The following PHC3 variants were observed in gnomAD, a reference collection of about 807,000 sequenced individuals.
PHC3 encodes the protein polyhomeotic homolog 3, also known as polyhomeotic-like protein 3.
In PHC3, 13 loss-of-function variants were observed where a neutral mutation model predicts 107.4. The observed-to-expected ratio is 0.12, with a 90% CI of 0.08 to 0.19. The LOEUF (loss-of-function observed/expected upper bound fraction) is 0.19, where lower values mean the gene tolerates loss of function less well. Among genes scored for constraint, PHC3 ranks in the 10% least tolerant of loss-of-function variants. PHC3 has a pLI of 1.00. For missense variants in PHC3, 992 were observed against 1,210.9 expected (o/e 0.82, Z 2.68); for synonymous variants, 456 against 427.4 (o/e 1.07, Z -0.83).
intron 11 of PHC3, among the ~76,000 whole-genome samples, chr3:170,111,729 G>A (rs538813929): frequency 3.5e-5 from 5 of 144,780 alleles, no homozygotes; most frequent in African/African-American, 8.7e-5. Flanking sequence ...GAAGTAAAAC[G>A]GTGATTCACA....
chr3:170,108,780 C>A (rs1041810575), intron 11 of PHC3, among the ~76,000 whole-genome samples: 1 of 152,122 alleles, frequency 6.6e-6, no homozygotes, highest in Non-Finnish European at 1.5e-5. Context: ...AGTTCCAGCC[C>A]TGAAAGAGTC....
At chr3:170,179,202 T>C (rs1419177911) in intron 1 of PHC3, among the ~76,000 whole-genome samples, 1 of 152,230 alleles carries the variant, frequency 6.6e-6, no homozygotes, top group Non-Finnish European at 1.5e-5. Context: ...CAAAAGTTTA[T>C]CTTTGCATTA....
chr3:170,098,465 G>C (rs1387713031), intron 14 of PHC3, among the ~76,000 whole-genome samples: 1 of 152,136 alleles, frequency 6.6e-6, no homozygotes, highest in Admixed American at 6.5e-5. Flanking sequence ...AATTTTGCTA[G>C]TTCAATTATC....
chr3:170,144,543 A>G (rs1312368004), intron 6 of PHC3, among the ~76,000 whole-genome samples: 3 of 152,162 alleles, frequency 2.0e-5, no homozygotes, highest in Non-Finnish European at 4.4e-5. Flanking sequence ...TTTCACTTTA[A>G]GAGGAACTGT....
intron 7 of PHC3, among the ~76,000 whole-genome samples, chr3:170,130,634 A>C (rs560203895): frequency 6.6e-6 from 1 of 152,296 alleles, no homozygotes; most frequent in South Asian, 2.1e-4. Context: ...ACCAAAAAAA[A>C]ACTTCAATAA....
intron 4 of PHC3, among the ~76,000 whole-genome samples, chr3:170,165,921 A>G (rs1401621247): frequency 6.6e-6 from 1 of 151,120 alleles, no homozygotes; most frequent in African/African-American, 2.4e-5. Context: ...TGGACAACAC[A>G]GTGAGACCCA....
intron 4 of PHC3, among the ~76,000 whole-genome samples, chr3:170,167,557 C>T (rs1023243909): frequency 6.6e-6 from 1 of 152,052 alleles, no homozygotes; most frequent in Admixed American, 6.6e-5. Context: ...GTCAGGAGTT[C>T]GAGACCAGCC....
intron 4 of PHC3, among the ~76,000 whole-genome samples, chr3:170,166,428 C>G (rs1442470131): frequency 6.6e-6 from 1 of 152,172 alleles, no homozygotes; most frequent in Non-Finnish European, 1.5e-5. Context: ...GCTTCTTACA[C>G]TCAATACATA....
intron 7 of PHC3, chr3:170,136,208 T>C (rs922152091): frequency 1.9e-6 from 1 of 530,146 alleles, no homozygotes; most frequent in African/African-American, 2.0e-5. Flanking sequence ...TAATTTGATT[T>C]TAAAAAACCT....
chr3:170,148,366 G>A (rs904174235), intron 5 of PHC3: 4 of 152,102 alleles, frequency 2.6e-5, no homozygotes, highest in Non-Finnish European at 5.9e-5. Context: ...ATATATATTA[G>A]GGACAATGCT....
intron 6 of PHC3, among the ~76,000 whole-genome samples, chr3:170,136,879 G>C (rs984477432): frequency 4.1e-5 from 6 of 147,128 alleles, no homozygotes; most frequent in African/African-American, 1.5e-4. Context: ...TTTTTTAAAA[G>C]ACATAAGAGA....
intron 11 of PHC3, among the ~76,000 whole-genome samples, chr3:170,108,414 T>G (rs1716989454): frequency 6.6e-6 from 1 of 152,114 alleles, no homozygotes; most frequent in African/African-American, 2.4e-5. Context: ...AAACTGTGAA[T>G]TAATATTTGA....
At chr3:170,107,774 CCTT>C (rs1034170664) in intron 11 of PHC3, among the ~76,000 whole-genome samples, 2 of 152,030 alleles carry the variant, frequency 1.3e-5, no homozygotes, top group African/African-American at 4.8e-5. Flanking sequence ...GTTAGAATGT[CCTT>C]CTTCCACCCT....
At chr3:170,141,220 C>T (rs112263937) in intron 6 of PHC3, among the ~76,000 whole-genome samples, 32 of 152,258 alleles carry the variant, frequency 2.1e-4, no homozygotes, top group Non-Finnish European at 3.7e-4. Context: ...TTGAACTTGA[C>T]GAAAGTTATC....
chr3:170,106,409 A>G (rs959623094), intron 12 of PHC3, among the ~76,000 whole-genome samples: 2 of 152,218 alleles, frequency 1.3e-5, no homozygotes, highest in Admixed American at 6.5e-5. Context: ...AAAACAACAC[A>G]AAGTAAATCA....
rs931817881 is a variant in PHC3 at position 170,093,152 on chromosome 3, G to A, written c.*4078C>T. On this transcript the variant is annotated 3_prime_UTR_variant, in exon 15 of 15. Coordinates refer to ENST00000495893, the MANE Select transcript of PHC3 (RefSeq NM_024947.4). Reference sequence around the variant, plus strand: ...TTGCATAGATGCGCCAGTTTCCACTGCCCAAAGGTTGCTCTGGAACATGAC... The same window carrying A: ...TTGCATAGATGCGCCAGTTTCCACTACCCAAAGGTTGCTCTGGAACATGAC... 2 of 152,224 alleles carry A rather than the reference G, an allele frequency of 1.3e-5. No homozygotes were observed. Among genetic ancestry groups the A allele is most frequent in the Non-Finnish European group, 1.5e-5 (1 of 68,076 alleles). 9.4% of individuals were successfully genotyped at this position (152,224 alleles called of 1,614,324 possible). A position where few individuals can be genotyped will look rare whatever the true frequency, so the allele number is the denominator to read the frequency against.
At chr3:170,179,712 C>G (rs1488834393) in intron 1 of PHC3, among the ~76,000 whole-genome samples, 1 of 152,188 alleles carries the variant, frequency 6.6e-6, no homozygotes, top group Non-Finnish European at 1.5e-5. Flanking sequence ...TTTCTTCCCT[C>G]CAATACTATA....
rs1560076942 is a variant in PHC3, at chr3:170,136,449, T to C, written c.889A>G (p.Thr297Ala). ...LESRSTAVTR[T>A]SSIHQLIAPA... Reference sequence around the variant, plus strand: ...GCTATTAACTGGTGAATACTTGATGTCCGGGTGACAGCTGTGCTTCGTGAT... The same window carrying C: ...GCTATTAACTGGTGAATACTTGATGCCCGGGTGACAGCTGTGCTTCGTGAT... Residue 297 changes from threonine to alanine, a missense_variant, in exon 7 of 15, where the codon ACA (threonine) becomes GCA (alanine). This residue lies in a region of PHC3 where 543 missense variants were observed against 590.8 expected (regional missense o/e 0.92). Coordinates refer to ENST00000495893, the MANE Select transcript of PHC3 (RefSeq NM_024947.4). The C allele has an allele frequency of 6.2e-7, 1 of 1,606,806 alleles. No homozygotes were observed. Among genetic ancestry groups the C allele is most frequent in the Non-Finnish European group, 8.5e-7 (1 of 1,177,554 alleles).
chr3:170,153,669 A>T (rs1226224439), intron 4 of PHC3, among the ~76,000 whole-genome samples: 4 of 151,530 alleles, frequency 2.6e-5, no homozygotes, highest in Admixed American at 1.3e-4. Flanking sequence ...AGGCTGAGGC[A>T]GGAGAATGGC....
Sources: gnomAD v4.1 joint callset for allele counts (sites outside exome capture counted in the v4.1 genomes callset) on GRCh38, gnomAD v4.1.1 for gene constraint, gnomAD v4.1.1 regional missense constraint, MANE v1.5 for transcripts, NCBI Gene and HGNC (gene_info 2026-07-23, HGNC 2026-07-21) for gene names.